Variants in ARHGAP10 observed in about 807,000 individuals in gnomAD.
ARHGAP10 encodes the protein Rho GTPase activating protein 10, also known as rho GTPase-activating protein 10.
In ARHGAP10, 87 loss-of-function variants were observed where a neutral mutation model predicts 108.6. The observed-to-expected ratio is 0.80, with a 90% CI of 0.67 to 0.96. The LOEUF (loss-of-function observed/expected upper bound fraction) is 0.96. Ranked by LOEUF, ARHGAP10 falls within the 40% of genes least tolerant of loss-of-function variation. The pLI is 0.00. For synonymous variants in ARHGAP10, 347 were observed against 341.1 expected, an observed-to-expected ratio of 1.02 and a Z score of -0.19; for missense variants, 939 against 954.5, an observed-to-expected ratio of 0.98 and a Z score of 0.21.
chr4:147,821,831 A>G (rs1732508089), intron 1 of ARHGAP10, among the ~76,000 whole-genome samples: 1 of 152,236 alleles, frequency 6.6e-6, no homozygotes. Context: ...AAGTGCTTTA[A>G]ACCAGAGGCA....
intron 1 of ARHGAP10, among the ~76,000 whole-genome samples, chr4:147,762,667 C>G (rs1473810653): frequency 1.9e-4 from 29 of 151,486 alleles, no homozygotes; most frequent in Admixed American, 1.9e-3. Flanking sequence ...GTAGCTGGGA[C>G]TACAGGTGCC....
At chr4:147,849,645 A>G (rs1311289424) in intron 4 of ARHGAP10, among the ~76,000 whole-genome samples, 1 of 152,176 alleles carries the variant, frequency 6.6e-6, no homozygotes, top group Non-Finnish European at 1.5e-5. Flanking sequence ...CCCTTGCCTG[A>G]AGCTCTTTCA....
chr4:147,746,253 A>G (rs1728917218), intron 1 of ARHGAP10, among the ~76,000 whole-genome samples: 1 of 150,458 alleles, frequency 6.6e-6, no homozygotes, highest in Non-Finnish European at 1.5e-5. Context: ...ACAGGCATGC[A>G]CCACCATGCC....
chr4:147,833,632 C>A (rs1048114194), intron 3 of ARHGAP10, among the ~76,000 whole-genome samples: 16 of 152,190 alleles, frequency 1.1e-4, no homozygotes, highest in Non-Finnish European at 2.1e-4. Context: ...AGTTTGCTTA[C>A]TTCTTTATGC....
intron 1 of ARHGAP10, among the ~76,000 whole-genome samples, chr4:147,792,683 C>G (rs1046163782): frequency 6.6e-6 from 1 of 151,360 alleles, no homozygotes; most frequent in Non-Finnish European, 1.5e-5. Flanking sequence ...TATGATTTAT[C>G]CAAGTTGTTG....
rs914974108 is a variant in ARHGAP10 at position 147,999,151 on chromosome 4, G to A, written c.1717-24112G>A. Among the ~76,000 whole-genome samples the A allele has an allele frequency of 6.6e-5, 10 of 152,148 alleles. No individual in the cohort carries two copies. In the South Asian group the frequency reaches 1.9e-3, roughly 28 times the overall value. ...TGAGGGCATTGACCTGTAAACACGG[G>A]GCTTGCAACTTAGCTCACACCTGAC... On this transcript the variant is annotated intron_variant, in intron 18 of 22. Transcript: ENST00000336498.
At chr4:147,741,780 A>ACACACACACG (rs1182460071) in intron 1 of ARHGAP10, among the ~76,000 whole-genome samples, 63 of 37,326 alleles carry the variant, frequency 1.7e-3, no homozygotes, top group African/African-American at 3.9e-3. Context: ...ACACACACAC[A>ACACACACACG]CACACACACA....
intron 4 of ARHGAP10, among the ~76,000 whole-genome samples, chr4:147,851,827 G>A (rs750464911): frequency 1.3e-4 from 20 of 152,222 alleles, no homozygotes; most frequent in African/African-American, 4.6e-4. Context: ...CTGTAATAGC[G>A]GTAAGCATAG....
In ARHGAP10 at chr4:147,946,702, G is replaced by C; in HGVS notation, c.1389G>C (p.Leu463Phe). The change falls in exon 15 of 23, where the codon TTG becomes TTC. Residue 463 changes from leucine (L) to phenylalanine (F), a missense_variant and splice_region_variant. Leu to Phe is a conservative substitution (Grantham distance 22, BLOSUM62 0). Transcript: ENST00000336498. ...KTITSALKQY[L>F]RSLPEPLMTY... ...TAACAAGTGCCTTGAAACAGTATTT[G>C]AGGTAAGCTCCTCTCAGTAGCAAGA... 6.2e-7 allele frequency: 1 copy of C among 1,602,242 alleles called. No individual in the cohort carries two copies. The highest frequency in any genetic ancestry group is 8.5e-7 in the Non-Finnish European group (1 of 1,175,520).
intron 1 of ARHGAP10, among the ~76,000 whole-genome samples, chr4:147,768,532 T>G (rs1729925255): frequency 6.6e-6 from 1 of 152,174 alleles, no homozygotes; most frequent in East Asian, 1.9e-4. Flanking sequence ...GGTTGAGATT[T>G]AATGAATTTT....
At chr4:147,930,270 A>G (rs1044807793) in intron 13 of ARHGAP10, among the ~76,000 whole-genome samples, 3 of 152,170 alleles carry the variant, frequency 2.0e-5, no homozygotes, top group East Asian at 1.9e-4. Context: ...TTTATCTTTC[A>G]CTTTGAGCCC....
intron 15 of ARHGAP10, among the ~76,000 whole-genome samples, chr4:147,949,538 T>G (rs988769425): frequency 6.6e-6 from 1 of 152,160 alleles, no homozygotes; most frequent in Admixed American, 6.5e-5. Context: ...CATCCTGCAG[T>G]ACATAGGACA....
chr4:147,847,327 C>A, intron 4 of ARHGAP10, 105 bp downstream of exon 4: 1 of 1,046,116 alleles, frequency 9.6e-7, no homozygotes, highest in Non-Finnish European at 1.4e-6. Flanking sequence ...CGGAGCAAAC[C>A]ATCTGTTGTT....
intron 20 of ARHGAP10, among the ~76,000 whole-genome samples, chr4:148,049,867 T>C (rs1304462140): frequency 1.5e-5 from 1 of 64,574 alleles, no homozygotes; most frequent in African/African-American, 8.2e-5. Flanking sequence ...GGGGTGGTGG[T>C]GGCGGTGGGA....
intron 19 of ARHGAP10, among the ~76,000 whole-genome samples, chr4:148,040,950 A>G (rs2149676224): frequency 6.6e-6 from 1 of 152,282 alleles, no homozygotes; most frequent in South Asian, 2.1e-4. Context: ...TGTTCTCAGC[A>G]AAACTTTCTT....
chr4:147,778,043 A>G (rs1730366695), intron 1 of ARHGAP10, among the ~76,000 whole-genome samples: 1 of 152,126 alleles, frequency 6.6e-6, no homozygotes, highest in African/African-American at 2.4e-5. Flanking sequence ...TCTGCCTTCA[A>G]GTTGCTTATA....
At chr4:147,832,073 T>G (rs1215969977) in intron 3 of ARHGAP10, among the ~76,000 whole-genome samples, 2 of 151,688 alleles carry the variant, frequency 1.3e-5, no homozygotes, top group Non-Finnish European at 2.9e-5. Context: ...TTCTTCCCCC[T>G]GACTGCCCCG....
intron 1 of ARHGAP10, 85 bp downstream of exon 1, chr4:147,732,540 T>G (rs1183065482): frequency 5.8e-6 from 9 of 1,554,716 alleles, no homozygotes; most frequent in African/African-American, 1.4e-5. Context: ...GAGGGTCTTG[T>G]GTCCGGGGCC....
At chr4:147,936,225 G>T (rs192168008) in intron 13 of ARHGAP10, among the ~76,000 whole-genome samples, 5 of 152,006 alleles carry the variant, frequency 3.3e-5, no homozygotes, top group Middle Eastern at 3.4e-3. Context: ...TTCCTGTATC[G>T]GGCTCAAAAG....
Sources: gnomAD v4.1 joint callset for allele counts (sites outside exome capture counted in the v4.1 genomes callset) on GRCh38, gnomAD v4.1.1 for gene constraint, MANE v1.5 for transcripts, NCBI Gene and HGNC (gene_info 2026-07-23, HGNC 2026-07-21) for gene names.